The following ARL3 variants were observed in gnomAD, a reference collection of about 807,000 sequenced individuals.
ARL3 encodes ARF like GTPase 3.
Under a neutral mutation model 26.0 loss-of-function variants are expected in ARL3, and 9 were observed. The ratio of observed to expected loss-of-function variants is 0.35; its 90% confidence interval spans 0.21 to 0.60. The LOEUF (loss-of-function observed/expected upper bound fraction) is 0.60. Among genes scored for constraint, ARL3 ranks in the 20% least tolerant of loss-of-function variants. The probability of loss-of-function intolerance (pLI) is 0.78; values close to 1 mark genes in which losing one functional copy is unlikely to be tolerated. For missense variants in ARL3, 158 were observed against 215.7 expected (o/e 0.73, Z 1.67); for synonymous variants, 71 against 78.4 (o/e 0.91, Z 0.50).
At chr10:102,681,392 C>CAA (rs11421481) in intron 5 of ARL3, among the ~76,000 whole-genome samples, 31,694 of 132,364 alleles carry the variant, frequency 0.24, 4,257 homozygotes, top group South Asian at 0.34. Context: ...AACTCCATCT[C>CAA]AAAAAAAAAA....
At chr10:102,679,981 T>C (rs555344204) in intron 5 of ARL3, among the ~76,000 whole-genome samples, 1 of 152,344 alleles carries the variant, frequency 6.6e-6, no homozygotes, top group African/African-American at 2.4e-5. Flanking sequence ...AGACGGAGTC[T>C]TGCTCTGTCG....
At chr10:102,700,921 G>C (rs557592102) in intron 2 of ARL3, among the ~76,000 whole-genome samples, 1 of 152,044 alleles carries the variant, frequency 6.6e-6, no homozygotes, top group Admixed American at 6.6e-5. Flanking sequence ...ATTTTTAGTA[G>C]AGATGGGGTT....
At chr10:102,679,842 C>T (rs2064146640) in intron 5 of ARL3, among the ~76,000 whole-genome samples, 1 of 152,180 alleles carries the variant, frequency 6.6e-6, no homozygotes, top group Non-Finnish European at 1.5e-5. Flanking sequence ...ACCCAGACCA[C>T]CTCCTCCAGT....
At chr10:102,683,607 C>A (rs2135996905) in intron 5 of ARL3, among the ~76,000 whole-genome samples, 1 of 152,278 alleles carries the variant, frequency 6.6e-6, no homozygotes, top group South Asian at 2.1e-4. Context: ...TTATCAAAAT[C>A]AAATCATATA....
intron 5 of ARL3, 109 bp downstream of exon 5, chr10:102,685,707 C>T (rs1459370859): frequency 1.7e-6 from 2 of 1,204,776 alleles, no homozygotes; most frequent in Non-Finnish European, 2.3e-6. Flanking sequence ...CCATGCCCTT[C>T]ATATCTTGGA....
At chr10:102,695,987 A>G (rs530891677) in intron 3 of ARL3, among the ~76,000 whole-genome samples, 3 of 151,982 alleles carry the variant, frequency 2.0e-5, no homozygotes, top group East Asian at 1.9e-4. Context: ...TTATTCAGAC[A>G]GAGTCTCACT....
At chr10:102,703,147 G>T (rs2064289479) in intron 2 of ARL3, among the ~76,000 whole-genome samples, 1 of 133,094 alleles carries the variant, frequency 7.5e-6, no homozygotes, top group Non-Finnish European at 1.6e-5. Context: ...TTTTGAGACG[G>T]AGTCTCACTC....
intron 3 of ARL3, among the ~76,000 whole-genome samples, chr10:102,696,841 C>A (rs145948501): frequency 0.012 from 1,826 of 152,262 alleles, 31 homozygotes; most frequent in African/African-American, 0.041. Context: ...GAGGGACTTA[C>A]CAGCCGCTGA....
At chr10:102,677,504 C>T (rs577483490) in intron 5 of ARL3, among the ~76,000 whole-genome samples, 5 of 152,304 alleles carry the variant, frequency 3.3e-5, no homozygotes, top group South Asian at 4.1e-4. Context: ...GGGTCTGGCC[C>T]GCTTCTTATA....
intron 4 of ARL3, among the ~76,000 whole-genome samples, chr10:102,688,760 C>A (rs2064201099): frequency 6.6e-6 from 1 of 152,156 alleles, no homozygotes; most frequent in Admixed American, 6.5e-5. Flanking sequence ...ACCTCAGCCT[C>A]CCAAAGGGCT....
At chr10:102,687,067 G>C (rs960302124) in intron 4 of ARL3, among the ~76,000 whole-genome samples, 1 of 150,434 alleles carries the variant, frequency 6.6e-6, no homozygotes, top group Non-Finnish European at 1.5e-5. Flanking sequence ...TAGTAGAGAC[G>C]GGGTTTCACC....
intron 2 of ARL3, among the ~76,000 whole-genome samples, chr10:102,701,493 G>T (rs2064279222): frequency 6.6e-6 from 1 of 152,198 alleles, no homozygotes; most frequent in South Asian, 2.1e-4. Context: ...ACACGCCAAT[G>T]ACTGAATACA....
rs977692026 is a variant in ARL3, at chr10:102,711,342, A to G, written c.3+2931T>C. On this transcript the variant is annotated intron_variant, in intron 1 of 5. Transcript: ENST00000260746. The stretch of plus-strand genomic sequence containing the variant: ...TGTGTGTGTGTGTGTGTGTGTATAT[A>G]TATATATATATGTATGTATATGTAT... Among the ~76,000 whole-genome samples the G allele has an allele frequency of 4.8e-4, 72 of 151,020 alleles. 1 individual carries two copies. The highest frequency in any genetic ancestry group is 1.3e-3 in the African/African-American group (53 of 41,154).
intron 3 of ARL3, among the ~76,000 whole-genome samples, chr10:102,691,326 T>C (rs1205199777): frequency 1.5e-5 from 2 of 131,568 alleles, no homozygotes; most frequent in Non-Finnish European, 3.1e-5. Context: ...CCTGTGTCCA[T>C]GTGATCTCAT....
At chr10:102,692,255 C>T (rs187375609) in intron 3 of ARL3, among the ~76,000 whole-genome samples, 12 of 152,334 alleles carry the variant, frequency 7.9e-5, no homozygotes, top group African/African-American at 2.9e-4. Context: ...GACTTACAAT[C>T]ATTAATGTCT....
At chr10:102,678,525 A>G (rs1466157858) in intron 5 of ARL3, among the ~76,000 whole-genome samples, 1 of 152,302 alleles carries the variant, frequency 6.6e-6, no homozygotes, top group South Asian at 2.1e-4. Flanking sequence ...CAGCACTTAC[A>G]TAGCACTTTC....
intron 3 of ARL3, among the ~76,000 whole-genome samples, chr10:102,692,846 A>ACTACAGGCGCCCGCCGGCACGC (rs2064226431): frequency 1.3e-5 from 2 of 152,210 alleles, no homozygotes; most frequent in Admixed American, 1.3e-4. Context: ...GTAGGCTGGG[A>ACTACAGGCGCCCGCCGGCACGC]CTACAGGCGC....
chr10:102,700,770 C>CTTTTTT (rs34708600), intron 2 of ARL3, among the ~76,000 whole-genome samples: 1 of 98,640 alleles, frequency 1.0e-5, no homozygotes, highest in African/African-American at 3.9e-5. Flanking sequence ...AGCCGGAAGT[C>CTTTTTT]TTTTTTTTTT....
chr10:102,679,222 G>A (rs1435237542), intron 5 of ARL3, among the ~76,000 whole-genome samples: 3 of 152,176 alleles, frequency 2.0e-5, no homozygotes, highest in Non-Finnish European at 4.4e-5. Context: ...GGATCTAGCT[G>A]GGGCAAGCTT....
Sources: allele counts gnomAD v4.1 joint callset (sites outside exome capture counted in the v4.1 genomes callset), GRCh38; gene constraint gnomAD v4.1.1; transcripts MANE v1.5; gene names NCBI Gene and HGNC (gene_info 2026-07-23, HGNC 2026-07-21).